The following NLRP4 variants were observed in gnomAD, a reference collection of about 807,000 sequenced individuals.
The protein encoded by NLRP4 is NACHT, LRR and PYD domains-containing protein 4.
In NLRP4, 44 loss-of-function variants were observed where a neutral mutation model predicts 84.7. The ratio of observed to expected loss-of-function variants is 0.52; its 90% CI spans 0.41 to 0.67. The LOEUF is 0.67. NLRP4 is among the 30% of genes least tolerant of loss of function. NLRP4 has a pLI of 0.00. For missense variants in NLRP4, 1,260 were observed against 1,219.4 expected, an observed-to-expected ratio of 1.03 and a Z score of -0.50; for synonymous variants, 544 against 476.4, an observed-to-expected ratio of 1.14 and a Z score of -1.85.
Position 55,878,898 on chromosome 19 carries a change from A to T in NLRP4, c.2801A>T (p.Asp934Val), listed in dbSNP as rs748571723. The change falls in exon 9 of 10, where the codon GAC (aspartate) becomes GTC (valine). Residue 934 changes from aspartate to valine, a missense_variant. By Grantham distance (152) the Asp-to-Val change is radical (BLOSUM62 -3). Transcript: ENST00000301295. ...QQLNLTLNTL[D>V]HTGVVVLCEA... is the part of the protein sequence containing the mutation. ...CTCAACCTGACCTTGAACACCTTGG[A>T]CCACACAGGGGTGGTTGTACTCTGT... is the stretch of plus-strand genomic sequence containing the variant. The T allele has an allele frequency of 6.2e-7, 1 of 1,613,936 alleles. No homozygotes were observed. Among genetic ancestry groups the T allele is most frequent in the South Asian group, 1.1e-5 (1 of 91,068 alleles).
chr19:55,852,403 C>G lies in NLRP4; in HGVS notation c.280+43C>G, dbSNP rs767297339. 2.2e-6 allele frequency: 3 copies of G among 1,394,036 alleles called. No individual in the cohort carries two copies. In the South Asian group the frequency reaches 3.9e-5, roughly 18 times the overall value. 86.4% of individuals were successfully genotyped at this position (1,394,036 alleles called of 1,614,324 possible). Reference sequence around the variant, plus strand: ...GGGGGAAGCCTTCTTATAATGAGGACTATGTCCTAATTTTGGTGAGTGGTC... The same window carrying G: ...GGGGGAAGCCTTCTTATAATGAGGAGTATGTCCTAATTTTGGTGAGTGGTC... On this transcript the variant is annotated intron_variant, in intron 2 of 9. Transcript: ENST00000301295.
intron 1 of NLRP4, among the ~76,000 whole-genome samples, chr19:55,844,665 A>G (rs1057371702): frequency 6.6e-6 from 1 of 152,152 alleles, no homozygotes; most frequent in Non-Finnish European, 1.5e-5. Flanking sequence ...GTTCCAGTAC[A>G]GCTAATTGCA....
chr19:55,867,060 G>A lies in NLRP4; in HGVS notation c.2187-649G>A, dbSNP rs368129360. ...CAAGCATGCATATAACTGAGACGGT[G>A]CATCTCAGGTTGGCTGTCTCTGTAC... On this transcript the variant is annotated intron_variant, in intron 5 of 9. Coordinates refer to ENST00000301295, the MANE Select transcript of NLRP4 (RefSeq NM_134444.5). 1.5e-3 allele frequency among the ~76,000 whole-genome samples: 232 copies of A among 150,896 alleles called. 2 individuals are homozygous for A. Among genetic ancestry groups the A allele is most frequent in the African/African-American group, 5.6e-3 (228 of 40,958 alleles).
rs970512644 is a variant in NLRP4 at position 55,856,674 on chromosome 19, C to T, written c.281-1000C>T. Among the ~76,000 whole-genome samples the T allele has an allele frequency of 1.9e-4, 29 of 152,060 alleles. No homozygotes were observed. The South Asian group carries it at 4.2e-3, about 22-fold the overall frequency. ...GGGACTACAGGCACACACCACCACG[C>T]CCGGCTAATTTTTGTATTTTTAGTA... On this transcript the variant is annotated intron_variant, in intron 2 of 9. Coordinates refer to ENST00000301295, the MANE Select transcript of NLRP4 (RefSeq NM_134444.5).
In NLRP4 at chr19:55,852,184, T is replaced by C; in HGVS notation, c.104T>C (p.Leu35Ser). The change falls in exon 2 of 10, where the codon TTG (leucine) becomes TCG (serine). Residue 35 changes from leucine (L) to serine (S), a missense_variant. By Grantham distance (145) the Leu-to-Ser change is moderately radical. Around this residue, in one of 3 missense-constraint regions of NLRP4, gnomAD observed 712 missense variants for 669.2 expected, o/e 1.06. Transcript: ENST00000301295. ...KFKEHLKQMT[L>S]QLELKQIPWT... ...AAAGAACATCTCAAGCAAATGACTT[T>C]GCAGCTTGAACTCAAGCAGATTCCC... The C allele has an allele frequency of 6.2e-7, 1 of 1,609,220 alleles. No homozygotes were observed. The highest frequency in any genetic ancestry group is 8.5e-7 in the Non-Finnish European group (1 of 1,178,660).
chr19:55,861,255 GT>G, intron 3 of NLRP4, 130 bp from the exon 4 acceptor site: 2 of 727,834 alleles, frequency 2.7e-6, no homozygotes, highest in Non-Finnish European at 4.5e-6. Flanking sequence ...GAAGGGTCCC[GT>G]TCCTTCTGAC....
intron 1 of NLRP4, among the ~76,000 whole-genome samples, chr19:55,840,476 C>T (rs558472663): frequency 1.3e-5 from 2 of 152,158 alleles, no homozygotes; most frequent in South Asian, 4.2e-4. Context: ...CTTTGCCTCC[C>T]GGGTTCAAGC....
chr19:55,863,441 C>T (rs1382410972), intron 5 of NLRP4, among the ~76,000 whole-genome samples: 1 of 152,166 alleles, frequency 6.6e-6, no homozygotes, highest in African/African-American at 2.4e-5. Context: ...AAAGGGAAAG[C>T]AGGCACGTCT....
At chr19:55,873,929 G>A (rs967901206) in intron 7 of NLRP4, among the ~76,000 whole-genome samples, 1 of 151,896 alleles carries the variant, frequency 6.6e-6, no homozygotes, top group Non-Finnish European at 1.5e-5. Context: ...TGTAGTGCAT[G>A]TATATATTTT....
chr19:55,852,056 G>A lies in NLRP4; in HGVS notation c.-25G>A, dbSNP rs73935424. 3.0e-3 allele frequency: 4,670 copies of A among 1,565,832 alleles called. 132 individuals are homozygous for A. The African/African-American group carries it at 0.058, about 19-fold the overall frequency. On this transcript the variant is annotated 5_prime_UTR_variant, in exon 2 of 10. Coordinates refer to ENST00000301295, the MANE Select transcript of NLRP4 (RefSeq NM_134444.5). ...TGTTCCTGGTCACTGTCTCTTTGAG[G>A]ATTGGTATCTCTGCTCCAGAAAAGA...
chr19:55,872,912 C>G (rs1316570294), intron 7 of NLRP4, among the ~76,000 whole-genome samples: 2 of 151,902 alleles, frequency 1.3e-5, no homozygotes, highest in Non-Finnish European at 2.9e-5. Context: ...GGGCTGGGAG[C>G]TTGGGGCGGG....
At chr19:55,848,645 A>G (rs947239607) in intron 1 of NLRP4, among the ~76,000 whole-genome samples, 1 of 151,992 alleles carries the variant, frequency 6.6e-6, no homozygotes, top group Non-Finnish European at 1.5e-5. Flanking sequence ...CTTGAGATCC[A>G]CCCACCTCGG....
At chr19:55,868,379 CAGAA>C (rs929290806) in intron 6 of NLRP4, among the ~76,000 whole-genome samples, 1 of 151,648 alleles carries the variant, frequency 6.6e-6, no homozygotes, top group African/African-American at 2.4e-5. Context: ...ACGTAAAACA[CAGAA>C]GGAAGACAGA....
chr19:55,837,417 A>T (rs302467), intron 1 of NLRP4, among the ~76,000 whole-genome samples: 1 of 152,072 alleles, frequency 6.6e-6, no homozygotes, highest in Non-Finnish European at 1.5e-5. Context: ...CTATAGTGCT[A>T]CTGAACACCA....
At chr19:55,874,607 C>G (rs1000830999) in intron 7 of NLRP4, among the ~76,000 whole-genome samples, 1 of 152,052 alleles carries the variant, frequency 6.6e-6, no homozygotes, top group Non-Finnish European at 1.5e-5. Context: ...ATGAATCAGT[C>G]AAATCTTTTT....
chr19:55,858,953 C>G lies in NLRP4; in HGVS notation c.1560C>G (p.Gly520=). Residue 520 remains glycine, a synonymous_variant, in exon 3 of 10, where the codon GGC becomes GGG. Coordinates refer to ENST00000301295, the MANE Select transcript of NLRP4 (RefSeq NM_134444.5). The surrounding 1 kb of genome is among the most constrained non-coding windows in gnomAD (Gnocchi z 4.2). ...KEQEKLDAFF[G]FQLSQEIKQQ... ...AAGAAAAACTGGATGCGTTTTTTGG[C>G]TTCCAACTGTCCCAAGAGATAAAGC... 6.2e-7 allele frequency: 1 copy of G among 1,614,110 alleles called. No homozygotes were observed.
intron 7 of NLRP4, among the ~76,000 whole-genome samples, chr19:55,873,138 A>C (rs1985252338): frequency 6.6e-6 from 1 of 152,208 alleles, no homozygotes; most frequent in Non-Finnish European, 1.5e-5. Flanking sequence ...TCCTAAAAGT[A>C]ATTCTAAAGA....
intron 6 of NLRP4, 29 bp from the exon 7 acceptor site, chr19:55,870,798 C>G (rs778250861): frequency 6.3e-7 from 1 of 1,583,122 alleles, no homozygotes; most frequent in Non-Finnish European, 8.7e-7. Flanking sequence ...TCCCTCTTCA[C>G]TCTCCTTCTC....
At chr19:55,871,357 G>T (rs1985175030) in intron 7 of NLRP4, among the ~76,000 whole-genome samples, 1 of 152,174 alleles carries the variant, frequency 6.6e-6, no homozygotes, top group Admixed American at 6.5e-5. Context: ...CAAAATTCCA[G>T]GTAGAAGGGT....
Sources: gnomAD v4.1 joint callset for allele counts (sites outside exome capture counted in the v4.1 genomes callset) on GRCh38, gnomAD v4.1.1 for gene constraint, gnomAD v4.1.1 regional missense constraint, Gnocchi (gnomAD v3.1) non-coding constraint, MANE v1.5 for transcripts, NCBI Gene and HGNC (gene_info 2026-07-23, HGNC 2026-07-21) for gene names.